The following COL6A3 variants were observed in gnomAD, a reference collection of about 807,000 sequenced individuals.
The protein encoded by COL6A3 is collagen type VI alpha 3 chain, also known as collagen alpha-3(VI) chain.
A neutral mutation model predicts 274.1 loss-of-function variants in COL6A3; 137 were observed. The observed-to-expected ratio is 0.50, with a 90% confidence interval of 0.44 to 0.58. The LOEUF (loss-of-function observed/expected upper bound fraction) is 0.58. Ranked by LOEUF, COL6A3 falls within the 20% of genes least tolerant of loss-of-function variation. COL6A3 has a pLI of 0.00. For synonymous variants in COL6A3, 1,650 were observed against 1,650.6 expected, an observed-to-expected ratio of 1.00 and a Z score of 0.01; for missense variants, 3,950 against 4,124.9, an observed-to-expected ratio of 0.96 and a Z score of 1.16.
At chr2:237,343,333 TA>T (rs35994715) in intron 36 of COL6A3, 53,200 of 135,126 alleles carry the variant, frequency 0.39, 10,432 homozygotes, top group East Asian at 0.49. Context: ...CCGTCTCTAC[TA>T]AAAAAAAAAA....
chr2:237,333,691 C>A, intron 41 of COL6A3, 143 bp from the exon 42 acceptor site: 1 of 722,560 alleles, frequency 1.4e-6, no homozygotes. Flanking sequence ...ATCCAAGACA[C>A]CTCTACATCC....
intron 1 of COL6A3, among the ~76,000 whole-genome samples, chr2:237,397,778 T>A (rs546821746): frequency 4.6e-5 from 7 of 152,316 alleles, no homozygotes; most frequent in African/African-American, 1.7e-4. Flanking sequence ...GAATGAAAAA[T>A]TTATCCATTA....
In COL6A3 at chr2:237,344,881, G is replaced by A. The variant is rs1156289802; in HGVS notation, c.7175-38C>T. On this transcript the variant is annotated intron_variant, in intron 35 of 43. Transcript: ENST00000295550. This position sits in a 1 kb window ranked among gnomAD's most constrained non-coding sequence, Gnocchi z 4.8. Reference sequence around the variant, plus strand: ...GAGGGTGGAGGGTTAAAGACAAACTGTACTTACTACAAAAGGGAGGCTTCC... The same window carrying A: ...GAGGGTGGAGGGTTAAAGACAAACTATACTTACTACAAAAGGGAGGCTTCC... The A allele has an allele frequency of 6.2e-7, 1 of 1,613,996 alleles. No individual in the cohort carries two copies. The highest frequency in any genetic ancestry group is 1.1e-5 in the South Asian group (1 of 91,076).
intron 16 of COL6A3, among the ~76,000 whole-genome samples, 166 bp downstream of exon 16, chr2:237,360,955 G>A (rs1395781460): frequency 4.6e-5 from 7 of 152,220 alleles, no homozygotes; most frequent in Non-Finnish European, 7.4e-5. Flanking sequence ...TTCAATTATC[G>A]TACTTAGACA....
At position 237,364,059 on chromosome 2, in the gene COL6A3, GAATC is replaced by G. The variant is rs1322560315; in HGVS notation, c.5917+287_5917+290del. Among the ~76,000 whole-genome samples the G allele has an allele frequency of 1.3e-5, 2 of 152,192 alleles. No individual in the cohort carries two copies. The highest frequency in any genetic ancestry group is 4.8e-5 in the African/African-American group (2 of 41,448). On this transcript the variant is annotated intron_variant, in intron 13 of 43. Transcript: ENST00000295550. The surrounding 1 kb of genome is among the most constrained non-coding windows in gnomAD (Gnocchi z 4.6). ...CCTAGTTTATGTGATGAAGTTAAATGAATCAATACGTCATGATCTTTTGCAAAAG... is the reference window on the plus strand; with the variant it reads ...CCTAGTTTATGTGATGAAGTTAAATGAATACGTCATGATCTTTTGCAAAAG...
At chr2:237,401,725 C>T (rs1000120402) in intron 1 of COL6A3, among the ~76,000 whole-genome samples, 3 of 151,952 alleles carry the variant, frequency 2.0e-5, no homozygotes, top group African/African-American at 7.3e-5. Flanking sequence ...CCCTCTGTCA[C>T]CCAGACTGGA....
At position 237,342,162 on chromosome 2, in the gene COL6A3, CT is replaced by C. The variant is rs764193290; in HGVS notation, c.7669-2del. ...CATGCCCCACTGCTGTGTTATTGATCTGGTTTAAACAAAAGAACAATTTTGG... is the reference window on the plus strand; with the variant it reads ...CATGCCCCACTGCTGTGTTATTGATCGGTTTAAACAAAAGAACAATTTTGG... On this transcript the variant is annotated splice_acceptor_variant, in intron 36 of 43. Transcript: ENST00000295550. LOFTEE classifies it high-confidence loss of function. The C allele has an allele frequency of 5.0e-6, 8 of 1,613,926 alleles. No individual in the cohort carries two copies. Among genetic ancestry groups the C allele is most frequent in the Non-Finnish European group, 6.8e-6 (8 of 1,179,916 alleles).
In COL6A3 at chr2:237,374,856, C is replaced by T. The variant is rs762778512; in HGVS notation, c.3235G>A (p.Glu1079Lys). The T allele has an allele frequency of 1.9e-5, 31 of 1,613,966 alleles. No homozygotes were observed. The highest frequency in any genetic ancestry group is 1.3e-4 in the South Asian group (12 of 91,064). ...TTCATGTATGAATTCAGGTAGAACT[C>T]GGGCCTGGTCCGGTCGCTGTACTGC... ...VVQYSDRTRP[E>K]FYLNSYMNKQ... Residue 1079 changes from glutamate to lysine, a missense_variant, in exon 8 of 44, where the codon GAG becomes AAG. Coordinates refer to ENST00000295550, the MANE Select transcript of COL6A3 (RefSeq NM_004369.4). This position sits in a 1 kb window ranked among gnomAD's most constrained non-coding sequence, Gnocchi z 4.8.
At chr2:237,326,410 C>G (rs4663723) in intron 42 of COL6A3, 8,336 of 152,272 alleles carry the variant, frequency 0.055, 359 homozygotes, top group East Asian at 0.18. Context: ...GAGAAGCATT[C>G]TTTTCCCAGT....
Position 237,364,404 on chromosome 2 carries a change from C to T in COL6A3, c.5863G>A (p.Ala1955Thr), listed in dbSNP as rs754607992. The change falls in exon 13 of 44, where the codon GCA becomes ACA. Residue 1955 changes from alanine to threonine, a missense_variant. Physicochemically the swap from Ala to Thr is moderately conservative, Grantham distance 58. This residue lies in a region of COL6A3 where 632 missense variants were observed against 623.4 expected (regional missense o/e 1.01). Transcript: ENST00000295550. This position sits in a 1 kb window ranked among gnomAD's most constrained non-coding sequence, Gnocchi z 4.6. ...TGTAAATCAGCCAGATCTCCGTCTG[C>T]TCCATCAGTAAAATGAATGACCACC... is the stretch of plus-strand genomic sequence containing the variant. The part of the protein sequence containing the change: ...VKVVIHFTDG[A>T]DGDLADLHRA... 3.1e-6 allele frequency: 5 copies of T among 1,613,958 alleles called. No individual in the cohort carries two copies. The highest frequency in any genetic ancestry group is 4.2e-6 in the Non-Finnish European group (5 of 1,179,888).
In COL6A3 at chr2:237,348,145, T is replaced by C. The variant is rs1372761174; in HGVS notation, c.6966+204A>G. Among the ~76,000 whole-genome samples the C allele has an allele frequency of 2.0e-5, 3 of 152,226 alleles. 1 individual carries two copies. Among genetic ancestry groups the C allele is most frequent in the Middle Eastern group, 6.3e-3 (2 of 316 alleles). ...TGCAGCATATTTTATTTAAATCTCA[T>C]AAACACCAGGACAAGTACGTATTAT... On this transcript the variant is annotated intron_variant, in intron 30 of 43. Transcript: ENST00000295550.
At position 237,374,811 on chromosome 2, in the gene COL6A3, C is replaced by A. The variant is rs369460632; in HGVS notation, c.3280G>T (p.Ala1094Ser). 34 of 1,614,026 alleles carry A rather than the reference C, an allele frequency of 2.1e-5. No individual in the cohort carries two copies. The highest frequency in any genetic ancestry group is 2.9e-5 in the Non-Finnish European group (34 of 1,180,012). Residue 1094 changes from alanine (A) to serine (S), a missense_variant, in exon 8 of 44, where the codon GCT becomes TCT. Ala to Ser is a moderately conservative substitution (Grantham distance 99). Transcript: ENST00000295550. This position sits in a 1 kb window ranked among gnomAD's most constrained non-coding sequence, Gnocchi z 4.8. The part of the protein sequence containing the change: ...SYMNKQDVVN[A>S]VRQLTLLGGP... The stretch of plus-strand genomic sequence containing the variant: ...CCCAGCAGGGTCAGCTGGCGGACAG[C>A]GTTGACGACGTCCTGCTTGTTCATG...
In COL6A3 at chr2:237,376,988, A is replaced by T; in HGVS notation, c.2854T>A (p.Ser952Thr). The change falls in exon 7 of 44, where the codon TCA becomes ACA. Residue 952 changes from serine (S) to threonine (T), a missense_variant. Physicochemically the swap from Ser to Thr is moderately conservative, Grantham distance 58. This residue lies in a region of COL6A3 where 1,934 missense variants were observed against 1,984.3 expected (regional missense o/e 0.97). Transcript: ENST00000295550. Reference protein sequence around the residue: ...QFLVLLVAGRSSDRVDGPASN... With the variant: ...QFLVLLVAGRTSDRVDGPASN... ...GCTGGCCCATCCACACGGTCAGATG[A>T]CCTTCCTGCGACCAGCAGCACCAGG... is the stretch of plus-strand genomic sequence containing the variant. 6.2e-7 allele frequency: 1 copy of T among 1,614,176 alleles called. No individual in the cohort carries two copies. Among genetic ancestry groups the T allele is most frequent in the Non-Finnish European group, 8.5e-7 (1 of 1,180,018 alleles).
Position 237,345,206 on chromosome 2 carries a change from T to G in COL6A3, c.7100A>C (p.Lys2367Thr), listed in dbSNP as rs1159222091. 6.2e-7 allele frequency: 1 copy of G among 1,614,004 alleles called. No individual in the cohort carries two copies. ...ATCGATGGAGTCGCCCCTGTTGCCC[T>G]TGGGACCCTGTAAAACCAAGGAACG... ...DPGYPGPAGP[K>T]GNRGDSIDQC... The change falls in exon 33 of 44, where the codon AAG (lysine) becomes ACG (threonine). Residue 2367 changes from lysine (K) to threonine (T), a missense_variant. Around this residue, in one of 5 missense-constraint regions of COL6A3, gnomAD observed 1,284 missense variants for 1,349.7 expected, o/e 0.95. Transcript: ENST00000295550.
intron 8 of COL6A3, among the ~76,000 whole-genome samples, chr2:237,373,366 T>C (rs1672785407): frequency 6.6e-6 from 1 of 152,148 alleles, no homozygotes; most frequent in East Asian, 1.9e-4. Flanking sequence ...GCGCCTTAGT[T>C]AGGAAGAAAG....
chr2:237,334,297 C>A (rs1457487939), intron 41 of COL6A3, among the ~76,000 whole-genome samples: 2 of 152,148 alleles, frequency 1.3e-5, no homozygotes, highest in Non-Finnish European at 2.9e-5. Flanking sequence ...CAACCAGGAG[C>A]CCTCACCGGG....
chr2:237,411,355 C>T (rs1221009436), intron 1 of COL6A3, among the ~76,000 whole-genome samples: 1 of 152,186 alleles, frequency 6.6e-6, no homozygotes, highest in African/African-American at 2.4e-5. Context: ...TGGAATTTCA[C>T]ATATAAGTGG....
intron 1 of COL6A3, among the ~76,000 whole-genome samples, chr2:237,410,764 T>C (rs894855755): frequency 3.9e-5 from 6 of 152,184 alleles, no homozygotes; most frequent in Non-Finnish European, 7.4e-5. Context: ...GACCACACAT[T>C]AGAGGGGGCA....
At chr2:237,408,349 C>T (rs1241208284) in intron 1 of COL6A3, among the ~76,000 whole-genome samples, 1 of 152,234 alleles carries the variant, frequency 6.6e-6, no homozygotes, top group Non-Finnish European at 1.5e-5. Context: ...TGCGACTGCT[C>T]TCTTCCATCT....
Sources: gnomAD v4.1 joint callset for allele counts (sites outside exome capture counted in the v4.1 genomes callset) on GRCh38, gnomAD v4.1.1 for gene constraint, gnomAD v4.1.1 regional missense constraint, Gnocchi (gnomAD v3.1) non-coding constraint, MANE v1.5 for transcripts, NCBI Gene and HGNC (gene_info 2026-07-23, HGNC 2026-07-21) for gene names.